The following SCAPER variants were observed in gnomAD, a reference collection of about 807,000 sequenced individuals.
SCAPER encodes S phase cyclin A-associated protein in the endoplasmic reticulum.
In SCAPER, 98 loss-of-function variants were observed where a neutral mutation model predicts 182.2. That is an observed-to-expected ratio of 0.54 (90% CI 0.46 to 0.64). SCAPER has a LOEUF of 0.64. Ranked by LOEUF, SCAPER falls within the 30% of genes least tolerant of loss-of-function variation. The probability of loss-of-function intolerance (pLI) is 0.00; values close to 1 mark genes in which losing one functional copy is unlikely to be tolerated. For missense variants in SCAPER, 1,432 were observed against 1,690.0 expected (o/e 0.85, Z 2.68); for synonymous variants, 605 against 564.6 (o/e 1.07, Z -1.01).
At position 76,482,409 on chromosome 15, in the gene SCAPER, C is replaced by T. The variant is rs561130060; in HGVS notation, c.2955-11074G>A. ...ATTATTAAAGAGCATCTATAAGAAA[C>T]TGTAGCTAACATCTTATTTAATGAT... is the stretch of plus-strand genomic sequence containing the variant. On this transcript the variant is annotated intron_variant, in intron 24 of 31. Transcript: ENST00000563290. Among the ~76,000 whole-genome samples, 15 of 152,204 alleles carry T rather than the reference C, an allele frequency of 9.9e-5. No individual in the cohort carries two copies. The South Asian group carries it at 2.9e-3, about 29-fold the overall frequency.
rs1233987698 is a variant in SCAPER, at chr15:76,599,160, G to A, written c.2711+22604C>T. On this transcript the variant is annotated intron_variant, in intron 22 of 31. Coordinates refer to ENST00000563290, the MANE Select transcript of SCAPER (RefSeq NM_020843.4). ...AAATAAATGGCTTATACATACATGA[G>A]AGGACACTCAACACCATTAGGATTA... 2.5e-5 allele frequency among the ~76,000 whole-genome samples: 3 copies of A among 120,490 alleles called. 1 individual carries two copies. The highest frequency in any genetic ancestry group is 6.0e-5 in the Non-Finnish European group (3 of 49,698). 79.0% of individuals were successfully genotyped at this position (120,490 alleles called of 152,430 possible).
At chr15:76,673,700 G>A (rs898213415) in intron 20 of SCAPER, among the ~76,000 whole-genome samples, 1 of 152,008 alleles carries the variant, frequency 6.6e-6, no homozygotes, top group Middle Eastern at 3.2e-3. Context: ...TTATGGTCTT[G>A]AAATATCATT....
chr15:76,412,454 T>G (rs1419400625), intron 26 of SCAPER, among the ~76,000 whole-genome samples: 2 of 152,144 alleles, frequency 1.3e-5, no homozygotes, highest in South Asian at 4.1e-4. Flanking sequence ...AAATACTCTA[T>G]AGTTTCCACT....
At chr15:76,761,898 T>C (rs1464841055) in intron 14 of SCAPER, among the ~76,000 whole-genome samples, 2 of 152,216 alleles carry the variant, frequency 1.3e-5, no homozygotes, top group South Asian at 4.1e-4. Flanking sequence ...TCTCCTACTG[T>C]TATTGTATTG....
chr15:76,404,658 C>G lies in SCAPER; in HGVS notation c.3333G>C (p.Leu1111=), dbSNP rs1567070614. ...GGAAGCAGGCACACAGTTTGTCAATCAGACCCATGTTCACCACGTAGCTAG... is the reference window on the plus strand; with the variant it reads ...GGAAGCAGGCACACAGTTTGTCAATGAGACCCATGTTCACCACGTAGCTAG... ...DLISYVVNMG[L]IDKLCACFLS... The change falls in exon 27 of 32, where the codon CTG becomes CTC. Residue 1111 remains leucine, a synonymous_variant. Transcript: ENST00000563290. The G allele has an allele frequency of 1.2e-6, 2 of 1,612,402 alleles. No homozygotes were observed. The highest frequency in any genetic ancestry group is 1.7e-6 in the Non-Finnish European group (2 of 1,179,484).
At chr15:76,885,756 G>C (rs2073806067) in intron 1 of SCAPER, among the ~76,000 whole-genome samples, 1 of 152,080 alleles carries the variant, frequency 6.6e-6, no homozygotes, top group Non-Finnish European at 1.5e-5. Flanking sequence ...AAGTGCTGGG[G>C]TTAAAGGCAT....
intron 25 of SCAPER, among the ~76,000 whole-genome samples, chr15:76,450,937 C>T (rs540802288): frequency 4.1e-4 from 62 of 152,314 alleles, no homozygotes; most frequent in Middle Eastern, 3.4e-3. Flanking sequence ...GACATATACG[C>T]GTCTATGTAA....
intron 25 of SCAPER, among the ~76,000 whole-genome samples, chr15:76,443,741 C>T (rs189557508): frequency 4.6e-5 from 7 of 152,292 alleles, no homozygotes; most frequent in Non-Finnish European, 8.8e-5. Flanking sequence ...CCATTGTGTC[C>T]AGCTCAGCTG....
chr15:76,819,598 T>A (rs1568242995), intron 5 of SCAPER, among the ~76,000 whole-genome samples: 1 of 152,036 alleles, frequency 6.6e-6, no homozygotes, highest in African/African-American at 2.4e-5. Flanking sequence ...GTCATCATCA[T>A]CAAAGACCAA....
chr15:76,850,071 G>T (rs944761862), intron 4 of SCAPER, among the ~76,000 whole-genome samples: 1 of 152,238 alleles, frequency 6.6e-6, no homozygotes, highest in Admixed American at 6.5e-5. Flanking sequence ...GGGATTATGG[G>T]GATTACAATT....
At chr15:76,676,548 AAT>A (rs549251252) in intron 20 of SCAPER, among the ~76,000 whole-genome samples, 107 of 152,314 alleles carry the variant, frequency 7.0e-4, no homozygotes, top group African/African-American at 2.3e-3. Context: ...GCCATAATGA[AAT>A]AGAGATGTAC....
chr15:76,619,797 G>A (rs1177186083), intron 22 of SCAPER, among the ~76,000 whole-genome samples: 2 of 152,000 alleles, frequency 1.3e-5, no homozygotes, highest in African/African-American at 4.8e-5. Flanking sequence ...ACTCTTAAAG[G>A]TCGGGCACGA....
chr15:76,569,889 A>G (rs777528065), intron 23 of SCAPER, among the ~76,000 whole-genome samples: 5 of 152,106 alleles, frequency 3.3e-5, no homozygotes, highest in Non-Finnish European at 5.9e-5. Flanking sequence ...ATCTTTAAAA[A>G]TAATTAATAT....
intron 21 of SCAPER, among the ~76,000 whole-genome samples, chr15:76,642,896 A>T (rs1252337026): frequency 6.6e-6 from 1 of 152,200 alleles, no homozygotes; most frequent in Non-Finnish European, 1.5e-5. Context: ...GTAGAGCTTG[A>T]TTAACACCAG....
At chr15:76,741,764 T>C (rs1268386474) in intron 15 of SCAPER, among the ~76,000 whole-genome samples, 2 of 152,244 alleles carry the variant, frequency 1.3e-5, no homozygotes, top group South Asian at 2.1e-4. Flanking sequence ...GGTGACTAGT[T>C]ATTATTATCA....
intron 27 of SCAPER, among the ~76,000 whole-genome samples, chr15:76,389,815 CAAA>C (rs34780168): frequency 2.1e-5 from 2 of 95,576 alleles, no homozygotes; most frequent in African/African-American, 4.4e-5. Flanking sequence ...GACTCCGTCT[CAAA>C]AAAAAAAAAA....
At chr15:76,822,270 T>C (rs533767990) in intron 5 of SCAPER, among the ~76,000 whole-genome samples, 2 of 152,194 alleles carry the variant, frequency 1.3e-5, no homozygotes, top group Non-Finnish European at 2.9e-5. Flanking sequence ...GCAGGGGTTA[T>C]ATGGAAAATC....
chr15:76,823,208 C>T (rs1458198014), intron 5 of SCAPER, among the ~76,000 whole-genome samples: 1 of 152,138 alleles, frequency 6.6e-6, no homozygotes, highest in Non-Finnish European at 1.5e-5. Context: ...CCTGTAATCC[C>T]AACACCTTGG....
chr15:76,864,708 A>T (rs376898530), intron 2 of SCAPER, among the ~76,000 whole-genome samples: 37 of 149,966 alleles, frequency 2.5e-4, no homozygotes, highest in African/African-American at 7.3e-4. Flanking sequence ...TTTTTTTTTT[A>T]TTTTAGGCTT....
Sources: allele counts gnomAD v4.1 joint callset (sites outside exome capture counted in the v4.1 genomes callset), GRCh38; gene constraint gnomAD v4.1.1; transcripts MANE v1.5; gene names NCBI Gene and HGNC (gene_info 2026-07-23, HGNC 2026-07-21).